SF3B1: variants seen among roughly 807,000 people sequenced by gnomAD.
The protein encoded by SF3B1 is splicing factor 3b subunit 1.
A neutral mutation model predicts 153.8 loss-of-function variants in SF3B1; 12 were observed. That is an observed-to-expected ratio of 0.08 (90% CI 0.05 to 0.13). The LOEUF is 0.13. Among genes scored for constraint, SF3B1 ranks in the 10% least tolerant of loss-of-function variants. The pLI is 1.00. For synonymous variants in SF3B1, 498 were observed against 525.2 expected (o/e 0.95, Z 0.71); for missense variants, 513 against 1,606.1 (o/e 0.32, Z 11.63).
chr2:197,414,246 C>T (rs1268384969), intron 6 of SF3B1, among the ~76,000 whole-genome samples: 2 of 152,142 alleles, frequency 1.3e-5, no homozygotes, highest in Admixed American at 6.5e-5. Flanking sequence ...CAAATAAATA[C>T]GTCAAGCTGA....
At chr2:197,399,044 AAG>A (rs746454187) in intron 20 of SF3B1, 2 of 1,300,600 alleles carry the variant, frequency 1.5e-6, no homozygotes, top group South Asian at 2.5e-5. Flanking sequence ...TACACCTACG[AAG>A]AGAGAAAAAA....
At chr2:197,418,861 G>C (rs1375206637) in intron 4 of SF3B1, 1 of 1,560,870 alleles carries the variant, frequency 6.4e-7, no homozygotes, top group African/African-American at 1.4e-5. Flanking sequence ...CTTCAGAAGT[G>C]ATGGGTTCCT....
intron 6 of SF3B1, among the ~76,000 whole-genome samples, chr2:197,415,299 C>A (rs950661033): frequency 1.3e-5 from 2 of 151,868 alleles, no homozygotes; most frequent in Admixed American, 1.3e-4. Flanking sequence ...GTTGCCCAAG[C>A]TGGAACACAT....
chr2:197,434,838 G>A (rs1259921232), intron 1 of SF3B1, 134 bp downstream of exon 1: 4 of 911,506 alleles, frequency 4.4e-6, no homozygotes, highest in African/African-American at 3.3e-5. Flanking sequence ...TGGCGCGGAG[G>A]AGACGACCCT....
chr2:197,425,172 G>A (rs1447326506), intron 1 of SF3B1, among the ~76,000 whole-genome samples: 3 of 148,886 alleles, frequency 2.0e-5, no homozygotes, highest in Admixed American at 6.7e-5. Flanking sequence ...ATAAATAAAT[G>A]AATAAAAATT....
At chr2:197,399,803 T>G (rs1039457627) in intron 20 of SF3B1, among the ~76,000 whole-genome samples, 2 of 152,164 alleles carry the variant, frequency 1.3e-5, no homozygotes, top group African/African-American at 4.8e-5. Flanking sequence ...CTTCAAAGCT[T>G]TTTGAGCTGT....
At chr2:197,395,248 C>A (rs1020996875) in intron 23 of SF3B1, among the ~76,000 whole-genome samples, 1 of 152,124 alleles carries the variant, frequency 6.6e-6, no homozygotes, top group Non-Finnish European at 1.5e-5. Context: ...TTTTTTTTAG[C>A]CCTGGGCAGC....
intron 1 of SF3B1, among the ~76,000 whole-genome samples, chr2:197,428,094 A>G (rs909663368): frequency 1.3e-5 from 2 of 152,124 alleles, no homozygotes; most frequent in African/African-American, 4.8e-5. Flanking sequence ...CAGGCAGATC[A>G]CTTGAGTTCA....
At chr2:197,416,695 G>C (rs1431727682) in intron 6 of SF3B1, 46 bp downstream of exon 6, 1 of 1,570,516 alleles carries the variant, frequency 6.4e-7, no homozygotes, top group Non-Finnish European at 8.7e-7. Context: ...GTCCATAACA[G>C]AAAAAAATTT....
chr2:197,411,214 T>A (rs2085062772), intron 6 of SF3B1, among the ~76,000 whole-genome samples: 1 of 152,176 alleles, frequency 6.6e-6, no homozygotes, highest in Non-Finnish European at 1.5e-5. Flanking sequence ...AGAGTAATAG[T>A]TGGACAACTG....
At position 197,401,539 on chromosome 2, in the gene SF3B1, A is replaced by G. The variant is rs749618674; in HGVS notation, c.2371-14T>C. 14 of 1,604,270 alleles carry G rather than the reference A, an allele frequency of 8.7e-6. No individual in the cohort carries two copies. The highest frequency in any genetic ancestry group is 1.6e-4 in the Middle Eastern group (1 of 6,064). On this transcript the variant is annotated splice_polypyrimidine_tract_variant and intron_variant, in intron 16 of 24. Coordinates refer to ENST00000335508, the MANE Select transcript of SF3B1 (RefSeq NM_012433.4). The surrounding 1 kb of genome is among the most constrained non-coding windows in gnomAD (Gnocchi z 4.2). Reference sequence around the variant, plus strand: ...CTGTTTTACCACCTAAAAGGTTAAGAAATAGTAATAATAAATCAACTGACC... The same window carrying G: ...CTGTTTTACCACCTAAAAGGTTAAGGAATAGTAATAATAAATCAACTGACC...
At chr2:197,430,465 T>C (rs953173518) in intron 1 of SF3B1, among the ~76,000 whole-genome samples, 7 of 152,160 alleles carry the variant, frequency 4.6e-5, no homozygotes, top group African/African-American at 1.2e-4. Context: ...TTTTTGTTAT[T>C]TTGTTTTGAG....
At chr2:197,410,152 T>C (rs2085046774) in intron 6 of SF3B1, 145 bp from the exon 7 acceptor site, 2 of 569,054 alleles carry the variant, frequency 3.5e-6, no homozygotes, top group Non-Finnish European at 6.2e-6. Flanking sequence ...CCTCTACTTA[T>C]AGGAAAAGAT....
intron 1 of SF3B1, among the ~76,000 whole-genome samples, chr2:197,424,260 A>T (rs1298401603): frequency 2.0e-5 from 3 of 152,172 alleles, no homozygotes; most frequent in Non-Finnish European, 4.4e-5. Context: ...ACACTTTGGG[A>T]GGAGGAGGTG....
intron 20 of SF3B1, among the ~76,000 whole-genome samples, chr2:197,399,842 A>C (rs2084919874): frequency 6.6e-6 from 1 of 152,128 alleles, no homozygotes; most frequent in African/African-American, 2.4e-5. Flanking sequence ...TGTAGGTCCT[A>C]AACTTACCCT....
chr2:197,401,686 TTC>T lies in SF3B1; in HGVS notation c.2370+54_2370+55del, dbSNP rs1341186046. ...GTTGATTTTTAAAAACACTTTAAAA[TTC>T]TGTTAGAACCATGAAACATATCCAG... On this transcript the variant is annotated intron_variant, in intron 16 of 24. Transcript: ENST00000335508. The surrounding 1 kb of genome is among the most constrained non-coding windows in gnomAD (Gnocchi z 4.2). 2 of 1,541,890 alleles carry T rather than the reference TTC, an allele frequency of 1.3e-6. No individual in the cohort carries two copies. The highest frequency in any genetic ancestry group is 1.8e-6 in the Non-Finnish European group (2 of 1,135,824).
In SF3B1 at chr2:197,432,058, T is replaced by C. The variant is rs576768055; in HGVS notation, c.28+2914A>G. Among the ~76,000 whole-genome samples, 6 of 152,248 alleles carry C rather than the reference T, an allele frequency of 3.9e-5. No individual in the cohort carries two copies. The East Asian group carries it at 7.7e-4, about 20-fold the overall frequency. On this transcript the variant is annotated intron_variant, in intron 1 of 24. Coordinates refer to ENST00000335508, the MANE Select transcript of SF3B1 (RefSeq NM_012433.4). ...GAGGATCACTTGAGCCCAGCAGTTG[T>C]AGGTTAAGTGAGCTATGATCACGCC...
chr2:197,413,094 A>G (rs2085096418), intron 6 of SF3B1, among the ~76,000 whole-genome samples: 2 of 152,046 alleles, frequency 1.3e-5, no homozygotes, highest in Admixed American at 6.6e-5. Context: ...AATGTCATCC[A>G]TAGAATTAAA....
At chr2:197,392,680 A>C (rs2105974295) in intron 24 of SF3B1, among the ~76,000 whole-genome samples, 1 of 151,606 alleles carries the variant, frequency 6.6e-6, no homozygotes, top group South Asian at 2.1e-4. Context: ...AATATACCCT[A>C]ATGATAATCA....
Sources: allele counts gnomAD v4.1 joint callset (sites outside exome capture counted in the v4.1 genomes callset), GRCh38; gene constraint gnomAD v4.1.1; non-coding constraint Gnocchi (gnomAD v3.1); transcripts MANE v1.5; gene names NCBI Gene and HGNC (gene_info 2026-07-23, HGNC 2026-07-21).